GALNT13: variants seen among roughly 807,000 people sequenced by gnomAD.
GALNT13 encodes the protein polypeptide N-acetylgalactosaminyltransferase 13.
Under a neutral mutation model 64.2 loss-of-function variants are expected in GALNT13, and 28 were observed. That is an observed-to-expected ratio of 0.44 (90% CI 0.32 to 0.60). The LOEUF (loss-of-function observed/expected upper bound fraction) is 0.60. Ranked by LOEUF, GALNT13 falls within the 20% of genes least tolerant of loss-of-function variation. GALNT13 has a pLI of 0.05. For missense variants in GALNT13, 577 were observed against 669.8 expected (o/e 0.86, Z 1.53); for synonymous variants, 214 against 224.6 (o/e 0.95, Z 0.42).
the GALNT13 span, among the ~76,000 whole-genome samples, chr2:153,109,082 T>C: frequency 6.6e-6 from 1 of 152,162 alleles, no homozygotes; most frequent in African/African-American, 2.4e-5. Context: ...GATGTCTAGA[T>C]TGACTTGCTG....
intron 12 of GALNT13, among the ~76,000 whole-genome samples, chr2:154,441,515 C>T (rs1251827991): frequency 6.6e-6 from 1 of 152,068 alleles, no homozygotes; most frequent in Non-Finnish European, 1.5e-5. Flanking sequence ...AAGTTCTCTC[C>T]TTTAAGCCTT....
chr2:153,756,447 C>A, the GALNT13 span, among the ~76,000 whole-genome samples: 3 of 151,986 alleles, frequency 2.0e-5, no homozygotes, highest in Non-Finnish European at 2.9e-5. Flanking sequence ...AATCAAACAT[C>A]GATTTCAGTT....
chr2:153,362,303 C>T, the GALNT13 span, among the ~76,000 whole-genome samples: 22 of 151,754 alleles, frequency 1.4e-4, no homozygotes, highest in East Asian at 3.9e-4. Flanking sequence ...TATGACACTA[C>T]GAAGAAACTG....
intron 9 of GALNT13, among the ~76,000 whole-genome samples, chr2:154,363,580 AAAAG>A (rs1183194605): frequency 6.6e-6 from 1 of 152,194 alleles, no homozygotes; most frequent in Non-Finnish European, 1.5e-5. Flanking sequence ...AAATATGAAA[AAAAG>A]CAAAGAACAG....
At chr2:153,523,261 A>G in the GALNT13 span, among the ~76,000 whole-genome samples, 1 of 151,826 alleles carries the variant, frequency 6.6e-6, no homozygotes, top group African/African-American at 2.4e-5. Flanking sequence ...CAATATCAAT[A>G]CTCCAACTTT....
the GALNT13 span, among the ~76,000 whole-genome samples, chr2:153,350,234 G>A: frequency 3.9e-4 from 59 of 152,064 alleles, no homozygotes; most frequent in African/African-American, 1.4e-3. Flanking sequence ...TAGAAGATAC[G>A]TAAAATCAGT....
the GALNT13 span, among the ~76,000 whole-genome samples, chr2:153,352,265 G>A: frequency 1.3e-5 from 2 of 152,178 alleles, no homozygotes; most frequent in East Asian, 1.9e-4. Flanking sequence ...CTTAAGTGAG[G>A]TGCCTGTTAA....
chr2:154,207,700 A>G (rs1346041038), intron 4 of GALNT13, among the ~76,000 whole-genome samples: 4 of 152,198 alleles, frequency 2.6e-5, no homozygotes, highest in Non-Finnish European at 5.9e-5. Flanking sequence ...ACAGGGAAGA[A>G]CTGAGTTGAA....
intron 1 of GALNT13, among the ~76,000 whole-genome samples, chr2:153,884,688 G>GT (rs941878342): frequency 4.0e-5 from 6 of 150,236 alleles, no homozygotes; most frequent in African/African-American, 1.5e-4. Flanking sequence ...GGAGGCTGAG[G>GT]TGGGCGGATC....
chr2:153,498,789 G>A, the GALNT13 span, among the ~76,000 whole-genome samples: 1 of 152,120 alleles, frequency 6.6e-6, no homozygotes, highest in Non-Finnish European at 1.5e-5. Flanking sequence ...GTTGGGGGGT[G>A]TGTTTCAGCC....
intron 3 of GALNT13, among the ~76,000 whole-genome samples, chr2:153,975,662 C>G (rs907561991): frequency 2.6e-5 from 4 of 152,016 alleles, no homozygotes; most frequent in African/African-American, 9.7e-5. Flanking sequence ...CTGCTTTCTT[C>G]TCATCATTAA....
chr2:153,136,848 C>CCACACACACACACACACACACACACA, the GALNT13 span, among the ~76,000 whole-genome samples: 1,313 of 148,422 alleles, frequency 8.8e-3, 8 homozygotes, highest in Non-Finnish European at 0.015. Context: ...GGTGTTTGCA[C>CCACACACACACACACACACACACACA]CACACACACA....
At chr2:154,167,297 A>T (rs182344704) in intron 4 of GALNT13, among the ~76,000 whole-genome samples, 246 of 152,278 alleles carry the variant, frequency 1.6e-3, no homozygotes, top group African/African-American at 5.1e-3. Context: ...GTACACAGAA[A>T]ACACCTTGTA....
the GALNT13 span, among the ~76,000 whole-genome samples, chr2:153,375,820 T>C: frequency 6.6e-6 from 1 of 152,138 alleles, no homozygotes; most frequent in Admixed American, 6.6e-5. Context: ...AAGGAATACC[T>C]AAGGCTGAGT....
chr2:153,925,494 C>T (rs1039415532), intron 2 of GALNT13, among the ~76,000 whole-genome samples: 3 of 130,386 alleles, frequency 2.3e-5, no homozygotes, highest in Admixed American at 7.5e-5. Context: ...CATGAAGCCT[C>T]GAGCTTTTTT....
upstream of GALNT13, among the ~76,000 whole-genome samples, chr2:153,871,445 G>C (rs76435674): frequency 0.1 from 15,982 of 152,232 alleles, 1,071 homozygotes; most frequent in African/African-American, 0.17. Context: ...AGCATCTCTC[G>C]GCTGGAGAGC....
At chr2:153,084,304 T>C in the GALNT13 span, among the ~76,000 whole-genome samples, 1 of 152,210 alleles carries the variant, frequency 6.6e-6, no homozygotes, top group South Asian at 2.1e-4. Flanking sequence ...GGGAATGGCA[T>C]TGAAGCTGTA....
chr2:154,450,390 ATTATTGGTTATCTTTTACAGAGACT>A lies in GALNT13; in HGVS notation c.1531-20_1535del. 6.3e-7 allele frequency: 1 copy of A among 1,599,576 alleles called. No homozygotes were observed. The highest frequency in any genetic ancestry group is 8.5e-7 in the Non-Finnish European group (1 of 1,173,490). Reference sequence around the variant, plus strand: ...GCTAAAGACGAAATAAGCTGCACTGATTATTGGTTATCTTTTACAGAGACTCACGTTGCGACATGTTAACAGTAAC... The same window carrying A: ...GCTAAAGACGAAATAAGCTGCACTGACACGTTGCGACATGTTAACAGTAAC... On this transcript the variant is annotated splice_acceptor_variant and splice_polypyrimidine_tract_variant and coding_sequence_variant and intron_variant, in exon 13 of 13. Coordinates refer to ENST00000392825, the MANE Select transcript of GALNT13 (RefSeq NM_052917.4). LOFTEE classifies it high-confidence loss of function.
At chr2:154,069,156 A>G (rs1401077449) in intron 3 of GALNT13, among the ~76,000 whole-genome samples, 1 of 152,070 alleles carries the variant, frequency 6.6e-6, no homozygotes, top group Admixed American at 6.6e-5. Context: ...TTCTTCAAAA[A>G]TAAATATTAT....
Sources: gnomAD v4.1 joint callset for allele counts (sites outside exome capture counted in the v4.1 genomes callset) on GRCh38, gnomAD v4.1.1 for gene constraint, MANE v1.5 for transcripts, NCBI Gene and HGNC (gene_info 2026-07-23, HGNC 2026-07-21) for gene names.